The following PBRM1 variants were observed in gnomAD, a reference collection of about 807,000 sequenced individuals.
The protein encoded by PBRM1 is polybromo 1.
PBRM1 carries 27 observed loss-of-function variants against 194.5 expected under a neutral mutation model. The observed-to-expected ratio is 0.14, with a 90% confidence interval of 0.10 to 0.19. The LOEUF is 0.19. Ranked by LOEUF, PBRM1 falls within the 10% of genes least tolerant of loss-of-function variation. The pLI is 1.00. For synonymous variants in PBRM1, 655 were observed against 693.2 expected (o/e 0.94, Z 0.87); for missense variants, 1,466 against 2,077.2 (o/e 0.71, Z 5.72).
chr3:52,663,028 T>C (rs958152386), intron 3 of PBRM1, among the ~76,000 whole-genome samples: 2 of 152,134 alleles, frequency 1.3e-5, no homozygotes, highest in African/African-American at 4.8e-5. Context: ...AATAAACTCT[T>C]GACTGAAATC....
intron 16 of PBRM1, among the ~76,000 whole-genome samples, chr3:52,604,615 C>G (rs1423496308): frequency 6.6e-6 from 1 of 151,974 alleles, no homozygotes; most frequent in Admixed American, 6.6e-5. Context: ...GTCACTTGAG[C>G]CCAGGAGTTC....
intron 22 of PBRM1, among the ~76,000 whole-genome samples, chr3:52,569,356 G>A (rs1180859157): frequency 2.0e-5 from 3 of 151,840 alleles, no homozygotes; most frequent in African/African-American, 2.4e-5. Context: ...GACTACAGGC[G>A]CCCGCCGCCA....
At chr3:52,596,179 C>T (rs1411945799) in intron 17 of PBRM1, among the ~76,000 whole-genome samples, 1 of 151,976 alleles carries the variant, frequency 6.6e-6, no homozygotes, top group Non-Finnish European at 1.5e-5. Context: ...GTGGCTCACG[C>T]CTGTAATCCC....
chr3:52,615,792 C>T (rs1036298004), intron 14 of PBRM1, among the ~76,000 whole-genome samples: 3 of 152,206 alleles, frequency 2.0e-5, no homozygotes, highest in Admixed American at 6.5e-5. Context: ...CTCCACTGGA[C>T]GCTCAAGGTA....
exon 11 of PBRM1, chr3:52,634,705 G>T (rs746922143): frequency 7.1e-5 from 115 of 1,613,230 alleles, no homozygotes; most frequent in Non-Finnish European, 9.3e-5. Flanking sequence ...AGCTGCCCTT[G>T]GTTATTCCGA....
At chr3:52,605,921 T>A (rs985441767) in intron 16 of PBRM1, among the ~76,000 whole-genome samples, 2 of 150,844 alleles carry the variant, frequency 1.3e-5, no homozygotes, top group African/African-American at 4.9e-5. Flanking sequence ...GTTTTAAATA[T>A]CTTTTGGGGT....
chr3:52,609,191 A>G lies in PBRM1; in HGVS notation c.2567+122T>C. 1.3e-6 allele frequency: 1 copy of G among 762,384 alleles called. No individual in the cohort carries two copies. The highest frequency in any genetic ancestry group is 2.1e-6 in the Non-Finnish European group (1 of 474,376). The allele number at this position is 762,384 out of a possible 1,614,324, so 47.2% of individuals were successfully genotyped here. On this transcript the variant is annotated intron_variant, in intron 16 of 29. Transcript: ENST00000296302. This position sits in a 1 kb window ranked among gnomAD's most constrained non-coding sequence, Gnocchi z 4.1. ...GTTCTGGCTGATTAGAATTCAGAAT[A>G]GCATGCTACCAACTACAAATCATGT...
chr3:52,565,626 A>G (rs1393739503), intron 22 of PBRM1, among the ~76,000 whole-genome samples: 1 of 152,178 alleles, frequency 6.6e-6, no homozygotes, highest in Non-Finnish European at 1.5e-5. Context: ...ATCTAGTAAG[A>G]GTCTAGTATA....
Position 52,673,081 on chromosome 3 carries a change from G to A in PBRM1, c.237-4436C>T, listed in dbSNP as rs562580716. On this transcript the variant is annotated intron_variant, in intron 2 of 29. Coordinates refer to ENST00000296302, the Ensembl canonical transcript of PBRM1. ...CAGCTCACTGCAACCTCCGCCTCCCGGGTTCAAGCAATTCTCCCACCTCAG... is the reference window on the plus strand; with the variant it reads ...CAGCTCACTGCAACCTCCGCCTCCCAGGTTCAAGCAATTCTCCCACCTCAG... 7.9e-5 allele frequency among the ~76,000 whole-genome samples: 12 copies of A among 151,506 alleles called. No individual in the cohort carries two copies. In the East Asian group the frequency reaches 2.2e-3, roughly 28 times the overall value.
intron 9 of PBRM1, 100 bp downstream of exon 10, chr3:52,643,148 T>C (rs2096170075): frequency 1.2e-6 from 1 of 859,478 alleles, no homozygotes; most frequent in Admixed American, 1.8e-5. Flanking sequence ...AACCAAACTA[T>C]ACCCAAAAAT....
chr3:52,652,112 G>A (rs1158224489), intron 5 of PBRM1, among the ~76,000 whole-genome samples: 1 of 152,182 alleles, frequency 6.6e-6, no homozygotes, highest in Non-Finnish European at 1.5e-5. Flanking sequence ...GGCCGGGTGC[G>A]GTAGCTCACG....
intron 7 of PBRM1, among the ~76,000 whole-genome samples, chr3:52,647,447 AAAAAAAAAAAATATATAT>A (rs2096336125): frequency 2.5e-5 from 2 of 81,600 alleles, no homozygotes; most frequent in African/African-American, 8.8e-5. Context: ...AAAAAAAAAA[AAAAAAAAAAAATATATAT>A]ATATATATAT....
chr3:52,679,976 G>C (rs919097663), upstream of PBRM1, among the ~76,000 whole-genome samples: 3 of 151,838 alleles, frequency 2.0e-5, no homozygotes, highest in African/African-American at 7.3e-5. Context: ...TTGTATATCA[G>C]CAATCTTGAA....
exon 14 of PBRM1, chr3:52,617,529 G>C (rs757493879): frequency 6.2e-7 from 1 of 1,606,430 alleles, no homozygotes; most frequent in Non-Finnish European, 8.5e-7. Context: ...GCTTTCTTAT[G>C]TTCTTTTTAC....
At chr3:52,588,623 G>A (rs2092700447) in intron 18 of PBRM1, among the ~76,000 whole-genome samples, 2 of 144,958 alleles carry the variant, frequency 1.4e-5, no homozygotes, top group African/African-American at 2.6e-5. Context: ...GCGTGATCTC[G>A]GCTCCCTTGC....
chr3:52,603,616 G>A (rs1445546752), exon 17 of PBRM1: 1 of 1,613,024 alleles, frequency 6.2e-7, no homozygotes, highest in Non-Finnish European at 8.5e-7. Flanking sequence ...CAAATGTTTT[G>A]TGGTATAGCT....
At chr3:52,624,323 A>G (rs1576970931) in intron 13 of PBRM1, among the ~76,000 whole-genome samples, 3 of 152,402 alleles carry the variant, frequency 2.0e-5, no homozygotes, top group Admixed American at 2.0e-4. Context: ...TGAATGTCAG[A>G]CGGCAAATGT....
chr3:52,560,136 G>A (rs1183365946), intron 25 of PBRM1, among the ~76,000 whole-genome samples: 2 of 152,130 alleles, frequency 1.3e-5, no homozygotes, highest in African/African-American at 4.8e-5. Context: ...GAATTTGGAA[G>A]GATGTTCCAG....
At chr3:52,648,476 T>G (rs756334190) in intron 6 of PBRM1, 34 bp from the exon 8 acceptor site, 3 of 1,136,504 alleles carry the variant, frequency 2.6e-6, no homozygotes, top group Non-Finnish European at 4.0e-6. Context: ...CAGTTCCTTT[T>G]AATGAGAGTT....
Sources: allele counts gnomAD v4.1 joint callset (sites outside exome capture counted in the v4.1 genomes callset), GRCh38; gene constraint gnomAD v4.1.1; non-coding constraint Gnocchi (gnomAD v3.1); transcripts MANE v1.5; gene names NCBI Gene and HGNC (gene_info 2026-07-23, HGNC 2026-07-21).